Variants in KCTD8 observed in about 807,000 individuals in gnomAD.
The protein encoded by KCTD8 is potassium channel tetramerization domain containing 8.
In KCTD8, 27 loss-of-function variants were observed where a neutral mutation model predicts 31.5. The observed-to-expected ratio is 0.86, with a 90% confidence interval of 0.63 to 1.18. The LOEUF is 1.18. Ranked by LOEUF, KCTD8 falls within the 50% of genes most tolerant of loss-of-function variation. KCTD8 has a pLI of 0.00. For missense variants in KCTD8, 658 were observed against 647.7 expected, an observed-to-expected ratio of 1.02 and a Z score of -0.17; for synonymous variants, 290 against 280.0, an observed-to-expected ratio of 1.04 and a Z score of -0.36.
chr4:44,272,278 A>T (rs1716635694), intron 1 of KCTD8, among the ~76,000 whole-genome samples: 1 of 151,852 alleles, frequency 6.6e-6, no homozygotes. Context: ...AGCAACAGGA[A>T]CATTTTTTTT....
chr4:44,427,785 A>T (rs1721383765), intron 1 of KCTD8, among the ~76,000 whole-genome samples: 1 of 151,794 alleles, frequency 6.6e-6, no homozygotes, highest in African/African-American at 2.4e-5. Flanking sequence ...TTATATCACA[A>T]GTCAAAGTGA....
intron 1 of KCTD8, among the ~76,000 whole-genome samples, chr4:44,192,475 T>TACACAC (rs34405384): frequency 0.011 from 1,459 of 137,162 alleles, 10 homozygotes; most frequent in African/African-American, 0.014. Flanking sequence ...TAAGCAAAGA[T>TACACAC]ACACACACAC....
chr4:44,219,962 T>C (rs1049548124), intron 1 of KCTD8, among the ~76,000 whole-genome samples: 1 of 152,236 alleles, frequency 6.6e-6, no homozygotes, highest in Admixed American at 6.5e-5. Context: ...AAATGTTGTT[T>C]TTTATTTCTA....
At chr4:44,318,996 CAAAA>C (rs935839974) in intron 1 of KCTD8, among the ~76,000 whole-genome samples, 11 of 151,988 alleles carry the variant, frequency 7.2e-5, no homozygotes, top group Non-Finnish European at 1.5e-5. Flanking sequence ...GGAGAAAAGG[CAAAA>C]AATGAAGGAT....
intron 1 of KCTD8, among the ~76,000 whole-genome samples, chr4:44,390,409 C>G (rs1464383318): frequency 6.6e-6 from 1 of 151,832 alleles, no homozygotes; most frequent in East Asian, 1.9e-4. Flanking sequence ...CCCTCGACCA[C>G]CTTTATGTTT....
chr4:44,227,117 G>T (rs1223269048), intron 1 of KCTD8, among the ~76,000 whole-genome samples: 1 of 152,162 alleles, frequency 6.6e-6, no homozygotes, highest in Non-Finnish European at 1.5e-5. Flanking sequence ...CCTTGCCCAT[G>T]CCTATGTGCT....
intron 1 of KCTD8, among the ~76,000 whole-genome samples, chr4:44,240,440 A>G (rs1715423724): frequency 6.6e-6 from 1 of 152,138 alleles, no homozygotes; most frequent in Non-Finnish European, 1.5e-5. Context: ...GCATGTTTTC[A>G]ATGTACATCT....
chr4:44,389,110 G>T (rs1033981211), intron 1 of KCTD8, among the ~76,000 whole-genome samples: 3 of 151,808 alleles, frequency 2.0e-5, no homozygotes, highest in African/African-American at 7.2e-5. Flanking sequence ...GCAGCATGAT[G>T]GTTACTAGAG....
At chr4:44,208,535 A>G (rs1212878948) in intron 1 of KCTD8, among the ~76,000 whole-genome samples, 2 of 152,210 alleles carry the variant, frequency 1.3e-5, no homozygotes, top group Non-Finnish European at 2.9e-5. Context: ...TATATTGAAA[A>G]TCACAAAATA....
At chr4:44,181,595 A>G (rs1394717628) in intron 1 of KCTD8, among the ~76,000 whole-genome samples, 1 of 152,080 alleles carries the variant, frequency 6.6e-6, no homozygotes, top group East Asian at 1.9e-4. Context: ...TCGGCTAGCT[A>G]CAACCTCCAC....
chr4:44,247,245 A>T (rs1029040067), intron 1 of KCTD8, among the ~76,000 whole-genome samples: 3 of 151,936 alleles, frequency 2.0e-5, no homozygotes, highest in African/African-American at 7.2e-5. Context: ...TGTTTATGGT[A>T]CCAATTGTTC....
chr4:44,333,439 C>T lies in KCTD8; in HGVS notation c.961+114124G>A, dbSNP rs190467202. ...CAATACTTCAATATTGTGCTTTACTCACAACCCTCCTATGATGCACAGGCA... is the reference window on the plus strand; with the variant it reads ...CAATACTTCAATATTGTGCTTTACTTACAACCCTCCTATGATGCACAGGCA... On this transcript the variant is annotated intron_variant, in intron 1 of 1. Coordinates refer to ENST00000360029, the MANE Select transcript of KCTD8 (RefSeq NM_198353.3). 1.7e-3 allele frequency among the ~76,000 whole-genome samples: 266 copies of T among 152,232 alleles called. 1 individual carries two copies. The highest frequency in any genetic ancestry group is 6.2e-3 in the African/African-American group (258 of 41,574).
At position 44,281,028 on chromosome 4, in the gene KCTD8, T is replaced by C. The variant is rs1338778206; in HGVS notation, c.962-105778A>G. On this transcript the variant is annotated intron_variant, in intron 1 of 1. Coordinates refer to ENST00000360029, the MANE Select transcript of KCTD8 (RefSeq NM_198353.3). ...TCAGAGCTAGGAGATTAAAAATTCC[T>C]GGATCCAGCTATCTGACTTTAAAAA... Among the ~76,000 whole-genome samples the C allele has an allele frequency of 2.0e-5, 3 of 152,084 alleles. No individual in the cohort carries two copies. In the East Asian group the frequency reaches 5.8e-4, roughly 29 times the overall value.
At chr4:44,305,148 A>G (rs1717763106) in intron 1 of KCTD8, among the ~76,000 whole-genome samples, 1 of 152,070 alleles carries the variant, frequency 6.6e-6, no homozygotes, top group African/African-American at 2.4e-5. Context: ...ATAAAAGAAC[A>G]GAATTCAGTA....
intron 1 of KCTD8, among the ~76,000 whole-genome samples, chr4:44,260,852 A>G (rs533889614): frequency 2.4e-4 from 36 of 152,068 alleles, no homozygotes; most frequent in African/African-American, 8.4e-4. Flanking sequence ...AGGGAGTGGT[A>G]TGGTATGAGT....
chr4:44,359,591 C>G (rs1719444563), intron 1 of KCTD8, among the ~76,000 whole-genome samples: 1 of 151,994 alleles, frequency 6.6e-6, no homozygotes, highest in Non-Finnish European at 1.5e-5. Context: ...ACACTCAACC[C>G]AAGTAACTTG....
At chr4:44,185,053 C>T (rs1412924914) in intron 1 of KCTD8, among the ~76,000 whole-genome samples, 1 of 152,210 alleles carries the variant, frequency 6.6e-6, no homozygotes, top group East Asian at 1.9e-4. Context: ...AGAAGTGCCA[C>T]AGAAAATATA....
intron 1 of KCTD8, among the ~76,000 whole-genome samples, chr4:44,328,715 G>A (rs1333112316): frequency 1.3e-5 from 2 of 151,922 alleles, no homozygotes; most frequent in East Asian, 1.9e-4. Context: ...AATAAATGTG[G>A]CTGAACAGAG....
intron 1 of KCTD8, among the ~76,000 whole-genome samples, chr4:44,431,389 A>T (rs1472273710): frequency 6.6e-6 from 1 of 151,366 alleles, no homozygotes; most frequent in African/African-American, 2.4e-5. Context: ...CGGGATAAAG[A>T]TCTTACTTAT....
Sources: gnomAD v4.1 joint callset for allele counts (sites outside exome capture counted in the v4.1 genomes callset) on GRCh38, gnomAD v4.1.1 for gene constraint, MANE v1.5 for transcripts, NCBI Gene and HGNC (gene_info 2026-07-23, HGNC 2026-07-21) for gene names.